The following GRM8 variants were observed in gnomAD, a reference collection of about 807,000 sequenced individuals.
GRM8 encodes glutamate metabotropic receptor 8.
GRM8 carries 47 observed loss-of-function variants against 87.2 expected under a neutral mutation model. That is an observed-to-expected ratio of 0.54 (90% CI 0.43 to 0.69). The LOEUF is 0.69. Among genes scored for constraint, GRM8 ranks in the 30% least tolerant of loss-of-function variants. GRM8 has a pLI of 0.00. For missense variants in GRM8, 1,019 were observed against 1,139.2 expected, an observed-to-expected ratio of 0.89 and a Z score of 1.52; for synonymous variants, 396 against 404.5, an observed-to-expected ratio of 0.98 and a Z score of 0.25.
intron 9 of GRM8, among the ~76,000 whole-genome samples, chr7:126,484,117 A>C (rs1386716175): frequency 6.6e-6 from 1 of 152,070 alleles, no homozygotes; most frequent in East Asian, 1.9e-4. Flanking sequence ...CAAGTACTTG[A>C]TGGAGAAAAA....
At chr7:126,966,213 C>A (rs1188013969) in intron 3 of GRM8, among the ~76,000 whole-genome samples, 2 of 152,114 alleles carry the variant, frequency 1.3e-5, no homozygotes, top group African/African-American at 4.8e-5. Flanking sequence ...TGGTTCACTG[C>A]AACTTCTGCC....
chr7:127,241,422 G>C (rs1222519811), intron 2 of GRM8, among the ~76,000 whole-genome samples: 3 of 149,136 alleles, frequency 2.0e-5, no homozygotes, highest in African/African-American at 5.0e-5. Flanking sequence ...AATGTGCATA[G>C]GACCTTTTTT....
chr7:126,717,824 C>T (rs1424451282), intron 7 of GRM8, among the ~76,000 whole-genome samples: 2 of 152,140 alleles, frequency 1.3e-5, no homozygotes, highest in Non-Finnish European at 1.5e-5. Context: ...ACTTAGAAAC[C>T]GTGCTAAGAA....
chr7:126,622,074 C>T (rs1363862966), intron 7 of GRM8, among the ~76,000 whole-genome samples: 1 of 152,162 alleles, frequency 6.6e-6, no homozygotes, highest in East Asian at 1.9e-4. Flanking sequence ...TGTACATCTT[C>T]TTTGCCTGCA....
intron 9 of GRM8, among the ~76,000 whole-genome samples, chr7:126,492,564 TG>T (rs1456117236): frequency 6.6e-6 from 1 of 152,088 alleles, no homozygotes; most frequent in Non-Finnish European, 1.5e-5. Flanking sequence ...TCTGAAACTT[TG>T]TTCCTACTAA....
At chr7:126,481,118 A>T (rs1806619381) in intron 9 of GRM8, among the ~76,000 whole-genome samples, 1 of 152,142 alleles carries the variant, frequency 6.6e-6, no homozygotes, top group Non-Finnish European at 1.5e-5. Flanking sequence ...ATAAATACTT[A>T]TGTGTCCAAA....
At chr7:127,053,613 C>A (rs1274698953) in intron 3 of GRM8, among the ~76,000 whole-genome samples, 1 of 151,964 alleles carries the variant, frequency 6.6e-6, no homozygotes, top group Non-Finnish European at 1.5e-5. Flanking sequence ...CATGGAGAAA[C>A]CCCGTCTCTC....
intron 3 of GRM8, among the ~76,000 whole-genome samples, chr7:126,917,429 T>C (rs141755245): frequency 5.1e-4 from 78 of 152,022 alleles, no homozygotes; most frequent in African/African-American, 1.9e-3. Context: ...ACGATTCTAT[T>C]ACCTTTTCCT....
chr7:127,059,525 C>T (rs1319299936), intron 3 of GRM8, among the ~76,000 whole-genome samples: 1 of 151,930 alleles, frequency 6.6e-6, no homozygotes, highest in African/African-American at 2.4e-5. Context: ...TTAGTAGAGA[C>T]CAGGTTTCAC....
chr7:126,946,008 A>G (rs937113415), intron 3 of GRM8, among the ~76,000 whole-genome samples: 7 of 152,172 alleles, frequency 4.6e-5, no homozygotes, highest in Non-Finnish European at 1.0e-4. Flanking sequence ...TGAAGCCTCA[A>G]TTAATGTCCT....
chr7:126,493,224 T>G (rs1379518971), intron 9 of GRM8, among the ~76,000 whole-genome samples: 1 of 152,012 alleles, frequency 6.6e-6, no homozygotes. Flanking sequence ...AGCATCCAGC[T>G]TTAAGAAAGC....
In GRM8 at chr7:126,598,516, C is replaced by T. The variant is rs2151066089; in HGVS notation, c.1494+10846G>A. Among the ~76,000 whole-genome samples the T allele has an allele frequency of 1.3e-5, 2 of 152,056 alleles. 1 individual carries two copies. Among genetic ancestry groups the T allele is most frequent in the South Asian group, 4.2e-4 (2 of 4,816 alleles). On this transcript the variant is annotated intron_variant, in intron 8 of 10. Transcript: ENST00000339582. ...AGTATGAACTAAAATTCACTAACAC[C>T]CTTTATTCCTTCTTCCTAATGTCCT...
chr7:127,244,424 C>T (rs17865434), intron 1 of GRM8, among the ~76,000 whole-genome samples: 3,595 of 152,236 alleles, frequency 0.024, 59 homozygotes, highest in Non-Finnish European at 0.032. Flanking sequence ...CTTTTTCCTA[C>T]GGCCTTCACC....
intron 6 of GRM8, among the ~76,000 whole-genome samples, chr7:126,859,800 A>G (rs1004721634): frequency 3.9e-5 from 6 of 152,164 alleles, no homozygotes; most frequent in Non-Finnish European, 8.8e-5. Context: ...ACTTTCTTTC[A>G]TGGTAAATCC....
At chr7:127,096,887 C>G (rs1001500068) in intron 3 of GRM8, among the ~76,000 whole-genome samples, 1 of 152,118 alleles carries the variant, frequency 6.6e-6, no homozygotes, top group African/African-American at 2.4e-5. Flanking sequence ...CAGTAACCCC[C>G]GAAGGTTCCC....
At chr7:126,960,342 A>C (rs1324899328) in intron 3 of GRM8, among the ~76,000 whole-genome samples, 2 of 152,338 alleles carry the variant, frequency 1.3e-5, no homozygotes, top group Admixed American at 1.3e-4. Flanking sequence ...AGGGGAAAAA[A>C]ATACTCCCTC....
intron 3 of GRM8, among the ~76,000 whole-genome samples, chr7:127,103,038 T>G (rs1825459425): frequency 6.6e-6 from 1 of 152,194 alleles, no homozygotes; most frequent in Non-Finnish European, 1.5e-5. Context: ...AATTTTTGCA[T>G]TTTTAGTAGA....
chr7:126,883,322 C>T (rs1800190954), intron 6 of GRM8, among the ~76,000 whole-genome samples: 1 of 152,118 alleles, frequency 6.6e-6, no homozygotes, highest in Non-Finnish European at 1.5e-5. Flanking sequence ...AATAGGCCTT[C>T]TTCTATTTTG....
chr7:127,184,285 T>C (rs898864516), intron 2 of GRM8, among the ~76,000 whole-genome samples: 1 of 151,714 alleles, frequency 6.6e-6, no homozygotes, highest in Non-Finnish European at 1.5e-5. Context: ...CAACAATATA[T>C]AAAAATAATT....
Sources: gnomAD v4.1 joint callset for allele counts (sites outside exome capture counted in the v4.1 genomes callset) on GRCh38, gnomAD v4.1.1 for gene constraint, MANE v1.5 for transcripts, NCBI Gene and HGNC (gene_info 2026-07-23, HGNC 2026-07-21) for gene names.